Variants in INVS observed in about 807,000 individuals in gnomAD.
INVS encodes inversin, also known as inversion of embryo turning homolog.
Under a neutral mutation model 108.8 loss-of-function variants are expected in INVS, and 86 were observed. The observed-to-expected ratio is 0.79, with a 90% CI of 0.66 to 0.95. INVS has a LOEUF of 0.95. Ranked by LOEUF, INVS falls within the 40% of genes least tolerant of loss-of-function variation. INVS has a pLI of 0.00. For synonymous variants in INVS, 455 were observed against 473.5 expected, an observed-to-expected ratio of 0.96 and a Z score of 0.51; for missense variants, 1,169 against 1,297.4, an observed-to-expected ratio of 0.90 and a Z score of 1.52.
chr9:100,221,653 A>G (rs1248638227), intron 3 of INVS, among the ~76,000 whole-genome samples: 3 of 152,044 alleles, frequency 2.0e-5, no homozygotes, highest in Non-Finnish European at 4.4e-5. Flanking sequence ...TATCATCATT[A>G]TCTGTAGGCA....
chr9:100,179,206 G>A lies in INVS; in HGVS notation c.274-46856G>A, dbSNP rs545400652. Among the ~76,000 whole-genome samples the A allele has an allele frequency of 3.2e-4, 48 of 152,194 alleles. 1 individual carries two copies. The South Asian group carries it at 4.1e-3, about 13-fold the overall frequency. ...AACATACCAAATTGTAAAGACCATC[G>A]ACACTGTGAAGAAACTGCATCAACG... On this transcript the variant is annotated intron_variant, in intron 3 of 16. Transcript: ENST00000262457.
chr9:100,239,265 C>T (rs992069425), intron 5 of INVS, among the ~76,000 whole-genome samples: 2 of 152,116 alleles, frequency 1.3e-5, no homozygotes, highest in African/African-American at 4.8e-5. Flanking sequence ...AAATAGATAA[C>T]TATATTGTGG....
chr9:100,202,714 T>C (rs1362135757), intron 3 of INVS, among the ~76,000 whole-genome samples: 2 of 152,220 alleles, frequency 1.3e-5, no homozygotes, highest in East Asian at 3.8e-4. Flanking sequence ...TCCAAAGTTT[T>C]GTTCTTTCCA....
At chr9:100,244,584 G>A (rs1330318055) in intron 7 of INVS, among the ~76,000 whole-genome samples, 4 of 152,032 alleles carry the variant, frequency 2.6e-5, no homozygotes, top group Non-Finnish European at 4.4e-5. Context: ...TATAATAATT[G>A]TATTCAAAGA....
At chr9:100,244,836 CA>C (rs1169507186) in intron 7 of INVS, among the ~76,000 whole-genome samples, 1 of 152,066 alleles carries the variant, frequency 6.6e-6, no homozygotes, top group East Asian at 1.9e-4. Context: ...GAAAACAAAG[CA>C]AAAAATCACA....
chr9:100,161,243 G>A (rs541336189), intron 3 of INVS, among the ~76,000 whole-genome samples: 67 of 151,464 alleles, frequency 4.4e-4, no homozygotes, highest in African/African-American at 1.5e-3. Flanking sequence ...GGGTGTGGTG[G>A]TGGGCACCTG....
chr9:100,242,802 A>T, intron 7 of INVS, 123 bp downstream of exon 7: 2 of 647,634 alleles, frequency 3.1e-6, no homozygotes, highest in South Asian at 3.4e-5. Flanking sequence ...CACCTAGTTC[A>T]CTCTGTTTTT....
intron 5 of INVS, among the ~76,000 whole-genome samples, chr9:100,237,644 G>A (rs746340148): frequency 2.6e-5 from 4 of 152,114 alleles, no homozygotes; most frequent in Admixed American, 1.3e-4. Context: ...CAGGTGAGGC[G>A]ATGCCCTACC....
At chr9:100,147,128 C>G (rs558050383) in intron 3 of INVS, among the ~76,000 whole-genome samples, 1 of 152,298 alleles carries the variant, frequency 6.6e-6, no homozygotes, top group South Asian at 2.1e-4. Flanking sequence ...CAATTATAGA[C>G]TTAACTCTGC....
intron 3 of INVS, among the ~76,000 whole-genome samples, chr9:100,225,636 CA>C (rs1372048451): frequency 1.3e-5 from 2 of 152,104 alleles, no homozygotes; most frequent in African/African-American, 2.4e-5. Flanking sequence ...ATACACCAAA[CA>C]CTGTAAAATG....
intron 3 of INVS, among the ~76,000 whole-genome samples, chr9:100,160,164 C>T (rs1829122637): frequency 6.6e-6 from 1 of 152,176 alleles, no homozygotes; most frequent in South Asian, 2.1e-4. Context: ...ATTCTGAGGG[C>T]ATATTCTGTT....
chr9:100,198,264 ATTTTTTTTTTTTTTTTTTTTTTTTTTTT>A (rs66710233), intron 3 of INVS, among the ~76,000 whole-genome samples: 76 of 65,284 alleles, frequency 1.2e-3, no homozygotes, highest in South Asian at 3.6e-3. Context: ...GAGGGCTAGA[ATTTTTTTTTTTTTTTTTTTTTTTTTTTT>A]TTTTTTTTTT....
At chr9:100,157,176 T>C (rs967973733) in intron 3 of INVS, among the ~76,000 whole-genome samples, 1 of 151,452 alleles carries the variant, frequency 6.6e-6, no homozygotes, top group African/African-American at 2.4e-5. Context: ...CCTGTTTTTA[T>C]AAATAAATAA....
At position 100,143,741 on chromosome 9, in the gene INVS, TG is replaced by T. The variant is rs200557013; in HGVS notation, c.273+17196del. On this transcript the variant is annotated intron_variant, in intron 3 of 16. Coordinates refer to ENST00000262457, the MANE Select transcript of INVS (RefSeq NM_014425.5). ...GTATTGTCTAAGTTGGCACCAGAGT[TG>T]GGGAGTTTTAAGAGGTTTAGAAGCC... is the stretch of plus-strand genomic sequence containing the variant. Among the ~76,000 whole-genome samples, 1,230 of 151,966 alleles carry T rather than the reference TG, an allele frequency of 8.1e-3. 22 individuals are homozygous for T. Among genetic ancestry groups the T allele is most frequent in the African/African-American group, 0.028 (1,165 of 41,398 alleles).
chr9:100,208,958 T>C (rs1429554713), intron 3 of INVS, among the ~76,000 whole-genome samples: 1 of 152,156 alleles, frequency 6.6e-6, no homozygotes, highest in East Asian at 1.9e-4. Flanking sequence ...TTTTTTTCTT[T>C]TTTACCAATG....
chr9:100,112,793 C>T (rs1033142808), intron 2 of INVS, among the ~76,000 whole-genome samples: 8 of 152,118 alleles, frequency 5.3e-5, no homozygotes, highest in African/African-American at 1.7e-4. Context: ...TGGATAAGCT[C>T]GAGTTAGGAT....
intron 12 of INVS, among the ~76,000 whole-genome samples, chr9:100,280,575 G>A (rs977378339): frequency 4.0e-5 from 6 of 151,798 alleles, no homozygotes; most frequent in Admixed American, 2.0e-4. Context: ...CTGCAGAAAT[G>A]TTGCTTGCTG....
intron 3 of INVS, among the ~76,000 whole-genome samples, chr9:100,173,204 A>C (rs1448826803): frequency 6.6e-6 from 1 of 152,228 alleles, no homozygotes; most frequent in Non-Finnish European, 1.5e-5. Context: ...AACTCTGAAC[A>C]AAATATAAAA....
In INVS at chr9:100,126,533, A is replaced by C; in HGVS notation, c.257A>C (p.His86Pro). Reference protein sequence around the residue: ...KTDHSQRTALHLAAQKGNYRF... With the variant: ...KTDHSQRTALPLAAQKGNYRF... ...GACCATAGCCAGAGAACAGCCCTCC[A>C]TCTTGCAGCCCAGAAGGTGAGAAGT... Residue 86 changes from histidine to proline, a missense_variant, in exon 3 of 17, where the codon CAT becomes CCT. Physicochemically the swap from His to Pro is moderately conservative, Grantham distance 77. This residue lies in a region of INVS where 365 missense variants were observed against 397.5 expected (regional missense o/e 0.92). Coordinates refer to ENST00000262457, the MANE Select transcript of INVS (RefSeq NM_014425.5). The C allele has an allele frequency of 1.9e-6, 3 of 1,614,214 alleles. No individual in the cohort carries two copies. Among genetic ancestry groups the C allele is most frequent in the Non-Finnish European group, 2.5e-6 (3 of 1,180,030 alleles).
Sources: gnomAD v4.1 joint callset for allele counts (sites outside exome capture counted in the v4.1 genomes callset) on GRCh38, gnomAD v4.1.1 for gene constraint, gnomAD v4.1.1 regional missense constraint, MANE v1.5 for transcripts, NCBI Gene and HGNC (gene_info 2026-07-23, HGNC 2026-07-21) for gene names.